The following RBFOX1 variants were observed in gnomAD, a reference collection of about 807,000 sequenced individuals.
RBFOX1 encodes RNA binding fox-1 homolog 1.
Under a neutral mutation model 57.7 loss-of-function variants are expected in RBFOX1, and 8 were observed. That is an observed-to-expected ratio of 0.14 (90% CI 0.08 to 0.25). The LOEUF (loss-of-function observed/expected upper bound fraction) is 0.25. Ranked by LOEUF, RBFOX1 falls within the 10% of genes least tolerant of loss-of-function variation. The pLI, the probability that RBFOX1 is intolerant of heterozygous loss-of-function variation, is 1.00. For synonymous variants in RBFOX1, 326 were observed against 222.4 expected (o/e 1.47, Z -4.15); for missense variants, 611 against 548.5 (o/e 1.11, Z -1.14).
intron 4 of RBFOX1, among the ~76,000 whole-genome samples, chr16:7,367,888 A>ACACG (rs1406489531): frequency 4.1e-4 from 54 of 130,906 alleles, no homozygotes; most frequent in African/African-American, 1.7e-3. Flanking sequence ...GCGTGCATAC[A>ACACG]CACACACACA....
intron 3 of RBFOX1, among the ~76,000 whole-genome samples, chr16:6,875,425 G>A (rs1387894751): frequency 6.6e-6 from 1 of 152,134 alleles, no homozygotes; most frequent in African/African-American, 2.4e-5. Context: ...CATTTGCAAT[G>A]TGTGGCTTCT....
intron 3 of RBFOX1, among the ~76,000 whole-genome samples, chr16:6,914,350 A>G (rs763972813): frequency 1.5e-4 from 23 of 152,182 alleles, no homozygotes; most frequent in Non-Finnish European, 2.1e-4. Flanking sequence ...GGCTTAAATT[A>G]CAGGGTCGGC....
chr16:6,312,165 A>G (rs1233967373), intron 1 of RBFOX1, among the ~76,000 whole-genome samples: 2 of 152,170 alleles, frequency 1.3e-5, no homozygotes, highest in African/African-American at 2.4e-5. Context: ...AATCCATTCA[A>G]ACTCACTCAA....
At chr16:7,051,941 T>A in intron 3 of RBFOX1, 116 bp from the exon 4 acceptor site, 2 of 1,443,016 alleles carry the variant, frequency 1.4e-6, no homozygotes, top group Non-Finnish European at 1.9e-6. Context: ...AATACATAAT[T>A]AATTAATTAT....
chr16:6,772,642 TTGTG>T (rs147036966), intron 3 of RBFOX1, among the ~76,000 whole-genome samples: 12 of 139,752 alleles, frequency 8.6e-5, no homozygotes, highest in South Asian at 2.4e-4. Flanking sequence ...TGGGGTGCAT[TTGTG>T]TGTGTGTGTG....
At chr16:7,110,224 G>C (rs1904223) in intron 4 of RBFOX1, among the ~76,000 whole-genome samples, 10,902 of 150,998 alleles carry the variant, frequency 0.072, 576 homozygotes, top group East Asian at 0.24. Context: ...GCCAGGTGTG[G>C]CACCACCCTC....
chr16:5,396,944 T>A (rs1435065408), intron 1 of RBFOX1, among the ~76,000 whole-genome samples: 1 of 152,214 alleles, frequency 6.6e-6, no homozygotes, highest in African/African-American at 2.4e-5. Context: ...CAGACACCCC[T>A]GGATATGTTT....
intron 3 of RBFOX1, among the ~76,000 whole-genome samples, chr16:5,667,222 T>C (rs927202235): frequency 6.6e-6 from 1 of 152,192 alleles, no homozygotes; most frequent in Non-Finnish European, 1.5e-5. Flanking sequence ...TTTCTTAGGG[T>C]TTATTTCATT....
At chr16:5,999,927 G>A (rs1426867492) in intron 4 of RBFOX1, among the ~76,000 whole-genome samples, 5 of 114,928 alleles carry the variant, frequency 4.4e-5, no homozygotes, top group Non-Finnish European at 9.0e-5. Context: ...AGGGAAATCA[G>A]ACAAGGAAAG....
chr16:6,042,205 G>C (rs948565063), intron 1 of RBFOX1, among the ~76,000 whole-genome samples: 2 of 151,740 alleles, frequency 1.3e-5, no homozygotes, highest in Non-Finnish European at 1.5e-5. Context: ...AGTTCAAGTG[G>C]TTCTCCTGCC....
chr16:6,992,933 T>A (rs984717111), intron 3 of RBFOX1, among the ~76,000 whole-genome samples: 1 of 152,102 alleles, frequency 6.6e-6, no homozygotes, highest in Non-Finnish European at 1.5e-5. Flanking sequence ...TGGATTTCAT[T>A]GTAGAATGCA....
At chr16:6,874,196 C>G (rs1430060784) in intron 3 of RBFOX1, among the ~76,000 whole-genome samples, 1 of 152,032 alleles carries the variant, frequency 6.6e-6, no homozygotes, top group African/African-American at 2.4e-5. Flanking sequence ...CACACAAACA[C>G]ATGCTACTCA....
chr16:5,530,155 T>C (rs34746569), intron 2 of RBFOX1, among the ~76,000 whole-genome samples: 106,166 of 151,868 alleles, frequency 0.7, 37,676 homozygotes, highest in East Asian at 0.88. Flanking sequence ...CCTTAGAGCC[T>C]GAGAGCTCTG....
intron 4 of RBFOX1, among the ~76,000 whole-genome samples, chr16:7,071,655 A>G (rs1371983230): frequency 1.3e-5 from 2 of 151,588 alleles, no homozygotes; most frequent in African/African-American, 4.9e-5. Flanking sequence ...TTATACATAC[A>G]TACATACATA....
At chr16:6,711,272 C>T (rs747651799) in intron 3 of RBFOX1, among the ~76,000 whole-genome samples, 3 of 152,138 alleles carry the variant, frequency 2.0e-5, no homozygotes, top group South Asian at 2.1e-4. Flanking sequence ...TGTCTCCACA[C>T]GCCCCTCCCC....
In RBFOX1 at chr16:7,510,187, C is replaced by A. The variant is rs558821137; in HGVS notation, c.28-7960C>A. On this transcript the variant is annotated intron_variant, in intron 4 of 15. Transcript: ENST00000550418. Reference sequence around the variant, plus strand: ...CACCTTCCTCAACACCCCGATCATCCACACATTGCACAGCGCGCACACCCT... The same window carrying A: ...CACCTTCCTCAACACCCCGATCATCAACACATTGCACAGCGCGCACACCCT... 206 of 985,876 alleles carry A rather than the reference C, an allele frequency of 2.1e-4. 1 individual carries two copies. The African/African-American group carries it at 3.0e-3, about 14-fold the overall frequency. The allele number at this position is 985,876 out of a possible 1,614,324, so 61.1% of individuals were successfully genotyped here.
intron 3 of RBFOX1, among the ~76,000 whole-genome samples, chr16:6,769,025 C>G (rs1265385787): frequency 2.0e-5 from 3 of 152,146 alleles, no homozygotes; most frequent in Non-Finnish European, 4.4e-5. Flanking sequence ...CTGCGCCCAG[C>G]CAATATTACT....
intron 3 of RBFOX1, among the ~76,000 whole-genome samples, chr16:6,770,992 C>G (rs1361467626): frequency 2.0e-5 from 3 of 152,066 alleles, no homozygotes; most frequent in African/African-American, 7.2e-5. Flanking sequence ...CCCACAGGAC[C>G]TCAGAATGTG....
chr16:6,394,111 C>G (rs150790623), intron 2 of RBFOX1, among the ~76,000 whole-genome samples: 1 of 152,294 alleles, frequency 6.6e-6, no homozygotes, highest in East Asian at 1.9e-4. Context: ...AAACAGGGCA[C>G]TAGTGTTCCA....
Sources: allele counts gnomAD v4.1 joint callset (sites outside exome capture counted in the v4.1 genomes callset), GRCh38; gene constraint gnomAD v4.1.1; transcripts MANE v1.5; gene names NCBI Gene and HGNC (gene_info 2026-07-23, HGNC 2026-07-21).